NACC2: variants seen among roughly 807,000 people sequenced by gnomAD.
NACC2 encodes nucleus accumbens-associated protein 2.
Under a neutral mutation model 25.1 loss-of-function variants are expected in NACC2, and 8 were observed. The ratio of observed to expected loss-of-function variants is 0.32; its 90% confidence interval spans 0.19 to 0.57. The LOEUF is 0.57. Ranked by LOEUF, NACC2 falls within the 20% of genes least tolerant of loss-of-function variation. NACC2 has a pLI of 0.89. For missense variants in NACC2, 644 were observed against 650.2 expected, an observed-to-expected ratio of 0.99 and a Z score of 0.10; for synonymous variants, 435 against 294.7, an observed-to-expected ratio of 1.48 and a Z score of -4.88.
chr9:136,077,053 G>A (rs191437758), intron 1 of NACC2, among the ~76,000 whole-genome samples: 5,145 of 152,038 alleles, frequency 0.034, 294 homozygotes, highest in African/African-American at 0.12. Flanking sequence ...GGTGGCGGGC[G>A]CCTGTAGTCC....
intron 1 of NACC2, among the ~76,000 whole-genome samples, chr9:136,057,023 AC>A: frequency 6.6e-6 from 1 of 152,130 alleles, no homozygotes; most frequent in East Asian, 1.9e-4. Flanking sequence ...CCCAGCCCCC[AC>A]CCCCAGGGTG....
intron 2 of NACC2, among the ~76,000 whole-genome samples, chr9:136,049,127 A>G (rs1840774437): frequency 6.6e-6 from 1 of 152,216 alleles, no homozygotes; most frequent in Admixed American, 6.5e-5. Flanking sequence ...CCTTGAAAGA[A>G]AGGAACGGAG....
intron 1 of NACC2, among the ~76,000 whole-genome samples, chr9:136,051,703 G>A (rs1421908116): frequency 2.0e-5 from 3 of 152,136 alleles, no homozygotes; most frequent in Non-Finnish European, 4.4e-5. Context: ...CCGCTGCGGA[G>A]AAGTTGCCGG....
At chr9:136,046,415 C>T (rs1487103484) in intron 2 of NACC2, among the ~76,000 whole-genome samples, 2 of 152,234 alleles carry the variant, frequency 1.3e-5, no homozygotes, top group East Asian at 1.9e-4. Flanking sequence ...CGGGGTCTCC[C>T]GAGGCTGCCG....
chr9:136,047,066 G>C (rs890269415), intron 2 of NACC2, among the ~76,000 whole-genome samples: 14 of 152,146 alleles, frequency 9.2e-5, no homozygotes, highest in Non-Finnish European at 1.9e-4. Flanking sequence ...GGCCAGGGAG[G>C]AGGAGGAGCT....
intron 2 of NACC2, among the ~76,000 whole-genome samples, chr9:136,042,725 GACACAGACAC>G (rs890677781): frequency 1.7e-4 from 25 of 143,172 alleles, no homozygotes; most frequent in African/African-American, 5.2e-4. Context: ...CACACACACA[GACACAGACAC>G]ACACAGACAC....
At chr9:136,037,582 A>G (rs1284950386) in intron 2 of NACC2, among the ~76,000 whole-genome samples, 2 of 150,480 alleles carry the variant, frequency 1.3e-5, no homozygotes, top group African/African-American at 4.9e-5. Flanking sequence ...ATCTCAGCTC[A>G]TTGCAACCTC....
chr9:136,082,771 T>C (rs1830337448), intron 1 of NACC2, among the ~76,000 whole-genome samples: 2 of 152,200 alleles, frequency 1.3e-5, no homozygotes, highest in South Asian at 4.1e-4. Flanking sequence ...CGGGTGGGGC[T>C]GGCTCTTGGC....
Position 136,013,086 on chromosome 9 carries a change from G to C in NACC2, c.1255+113C>G. The C allele has an allele frequency of 1.2e-6, 1 of 813,530 alleles. No homozygotes were observed. The allele number at this position is 813,530 out of a possible 1,614,324, so 50.4% of individuals were successfully genotyped here. On this transcript the variant is annotated intron_variant, in intron 5 of 5. Coordinates refer to ENST00000277554, the MANE Select transcript of NACC2 (RefSeq NM_144653.5). This position sits in a 1 kb window ranked among gnomAD's most constrained non-coding sequence, Gnocchi z 6.6. The stretch of plus-strand genomic sequence containing the variant: ...CAATCAGACCATGCTCGGCCCCCAG[G>C]GACGGAAGCTGCAGGTGGCCGGGAG...
chr9:136,023,427 T>A (rs1019351799), intron 2 of NACC2, among the ~76,000 whole-genome samples: 1 of 152,046 alleles, frequency 6.6e-6, no homozygotes, highest in African/African-American at 2.4e-5. Flanking sequence ...AACAGTCCCA[T>A]CAAACCTGGC....
chr9:136,022,891 A>G lies in NACC2; in HGVS notation c.887-6462T>C, dbSNP rs1035031473. Reference sequence around the variant, plus strand: ...TAACTGGGAAGGCAAACCATCACCAATTACCACGCCATGCCACGCCACACC... The same window carrying G: ...TAACTGGGAAGGCAAACCATCACCAGTTACCACGCCATGCCACGCCACACC... On this transcript the variant is annotated intron_variant, in intron 2 of 5. Transcript: ENST00000277554. This position sits in a 1 kb window ranked among gnomAD's most constrained non-coding sequence, Gnocchi z 4.4. 7.0e-6 allele frequency among the ~76,000 whole-genome samples: 1 copy of G among 143,210 alleles called. No homozygotes were observed. Among genetic ancestry groups the G allele is most frequent in the African/African-American group, 2.7e-5 (1 of 36,938 alleles). The allele number at this position is 143,210 out of a possible 152,430, so 94.0% of individuals were successfully genotyped here.
intron 2 of NACC2, among the ~76,000 whole-genome samples, chr9:136,025,871 T>C (rs1216309546): frequency 6.6e-6 from 1 of 152,032 alleles, no homozygotes; most frequent in African/African-American, 2.4e-5. Flanking sequence ...GCTGAGATTG[T>C]GCCACTGCAC....
intron 1 of NACC2, among the ~76,000 whole-genome samples, chr9:136,067,208 C>T (rs895167283): frequency 1.2e-4 from 18 of 148,514 alleles, no homozygotes; most frequent in Non-Finnish European, 2.1e-4. Context: ...GAGCCAAGAT[C>T]GCACCAAGAT....
At chr9:136,073,320 C>T (rs1830220482) in intron 1 of NACC2, among the ~76,000 whole-genome samples, 1 of 152,100 alleles carries the variant, frequency 6.6e-6, no homozygotes. Flanking sequence ...GTCCCAGCTA[C>T]TTGGGAGACT....
chr9:136,076,249 C>T (rs1303699406), intron 1 of NACC2, among the ~76,000 whole-genome samples: 1 of 152,234 alleles, frequency 6.6e-6, no homozygotes, highest in African/African-American at 2.4e-5. Context: ...CCCTGCGGAA[C>T]TCGAAGAAGT....
intron 1 of NACC2, among the ~76,000 whole-genome samples, chr9:136,070,363 C>T (rs951960855): frequency 6.6e-6 from 1 of 151,674 alleles, no homozygotes; most frequent in African/African-American, 2.4e-5. Context: ...AAAAAATTAG[C>T]CGGGCGTGGT....
At chr9:136,091,029 C>T (rs1369390517) in intron 1 of NACC2, among the ~76,000 whole-genome samples, 1 of 152,220 alleles carries the variant, frequency 6.6e-6, no homozygotes, top group East Asian at 1.9e-4. Context: ...CAGGGCCCCG[C>T]ACTGGGGGAG....
At chr9:136,080,188 G>A (rs1005694874) in intron 1 of NACC2, among the ~76,000 whole-genome samples, 2 of 152,198 alleles carry the variant, frequency 1.3e-5, no homozygotes, top group Non-Finnish European at 2.9e-5. Context: ...CTGTAGCCAC[G>A]CCACACCAGG....
chr9:136,094,073 G>A (rs898184956), intron 1 of NACC2, among the ~76,000 whole-genome samples: 4 of 152,226 alleles, frequency 2.6e-5, no homozygotes, highest in Non-Finnish European at 5.9e-5. Flanking sequence ...CGCTCCCGGA[G>A]GCAGCTCCAC....
Sources: allele counts gnomAD v4.1 joint callset (sites outside exome capture counted in the v4.1 genomes callset), GRCh38; gene constraint gnomAD v4.1.1; non-coding constraint Gnocchi (gnomAD v3.1); transcripts MANE v1.5; gene names NCBI Gene and HGNC (gene_info 2026-07-23, HGNC 2026-07-21).